The following DENND2B variants were observed in gnomAD, a reference collection of about 807,000 sequenced individuals.
The protein encoded by DENND2B is DENN domain containing 2B.
A neutral mutation model predicts 116.0 loss-of-function variants in DENND2B; 32 were observed. The ratio of observed to expected loss-of-function variants is 0.28; its 90% CI spans 0.21 to 0.37. The LOEUF is 0.37. Ranked by LOEUF, DENND2B falls within the 10% of genes least tolerant of loss-of-function variation. The pLI is 1.00. For synonymous variants in DENND2B, 588 were observed against 583.9 expected (o/e 1.01, Z -0.10); for missense variants, 1,276 against 1,477.7 (o/e 0.86, Z 2.24).
intron 2 of DENND2B, among the ~76,000 whole-genome samples, chr11:8,865,895 T>A (rs2063557665): frequency 6.6e-6 from 1 of 151,180 alleles, no homozygotes; most frequent in Non-Finnish European, 1.5e-5. Context: ...CCAAATGCCA[T>A]CCCCACTAAA....
upstream of DENND2B, among the ~76,000 whole-genome samples, chr11:8,873,609 G>A (rs181938987): frequency 2.6e-5 from 4 of 152,282 alleles, no homozygotes; most frequent in South Asian, 2.1e-4. Flanking sequence ...AGTAATTTGC[G>A]TTAACGTAAT....
At position 8,695,536 on chromosome 11, in the gene DENND2B, C is replaced by G; in HGVS notation, c.3306G>C (p.Gln1102His). 1 of 1,613,872 alleles carries G rather than the reference C, an allele frequency of 6.2e-7. No homozygotes were observed. The highest frequency in any genetic ancestry group is 2.2e-5 in the East Asian group (1 of 44,886). The change falls in exon 19 of 20, where the codon CAG becomes CAC. Residue 1102 changes from glutamine to histidine, a missense_variant. Gln to His is a conservative substitution (Grantham distance 24). This residue lies in a region of DENND2B where 420 missense variants were observed against 631.1 expected (regional missense o/e 0.67). Transcript: ENST00000313726. The stretch of plus-strand genomic sequence containing the variant: ...GTTCTTCTAAGTACTGCTCCACTCG[C>G]TGCTCAAAAAGGCCTGGGTAAAAGA... ...RKCRAKGLFE[Q>H]RVEQYLEELP...
At chr11:8,778,876 G>A (rs1293863129) in intron 1 of DENND2B, among the ~76,000 whole-genome samples, 5 of 152,230 alleles carry the variant, frequency 3.3e-5, no homozygotes, top group African/African-American at 1.2e-4. Flanking sequence ...TTCCTCCCCA[G>A]ACTCAAGACT....
chr11:8,854,782 G>A (rs895513590), intron 3 of DENND2B, among the ~76,000 whole-genome samples: 22 of 151,866 alleles, frequency 1.4e-4, no homozygotes, highest in South Asian at 6.3e-4. Flanking sequence ...GCATGATCTC[G>A]ACTCACTGCA....
intron 11 of DENND2B, among the ~76,000 whole-genome samples, chr11:8,708,978 C>G (rs913087954): frequency 1.7e-4 from 25 of 149,636 alleles, no homozygotes; most frequent in Non-Finnish European, 3.4e-4. Flanking sequence ...AGGTGGGTAG[C>G]TAAAGGGGAG....
chr11:8,727,987 A>G (rs1328726020), intron 3 of DENND2B, among the ~76,000 whole-genome samples: 1 of 139,940 alleles, frequency 7.1e-6, no homozygotes, highest in African/African-American at 2.6e-5. Flanking sequence ...ACACACACAC[A>G]CACACACACA....
At chr11:8,815,383 C>T (rs1426529086), upstream of DENND2B, among the ~76,000 whole-genome samples, 2 of 151,966 alleles carry the variant, frequency 1.3e-5, no homozygotes, top group African/African-American at 2.4e-5. Flanking sequence ...CTACATCCAA[C>T]GTTCCCTCTT....
chr11:8,796,302 G>T (rs1302581229), intron 1 of DENND2B, among the ~76,000 whole-genome samples: 1 of 152,230 alleles, frequency 6.6e-6, no homozygotes, highest in East Asian at 1.9e-4. Flanking sequence ...AGCACTTTGG[G>T]AGGCCAAGGT....
rs1344090885 is a variant in DENND2B, at chr11:8,715,822, G to GC, written c.1630-5dup. On this transcript the variant is annotated splice_region_variant and splice_polypyrimidine_tract_variant and intron_variant, in intron 5 of 19. Transcript: ENST00000313726. ...GGCTGTTGGGTTTCAGGGAAAGCTG[G>GC]CGTGGGGGAGAGGACGTGCGAGAGG... 5.6e-6 allele frequency: 9 copies of GC among 1,593,970 alleles called. No homozygotes were observed. The African/African-American group carries it at 1.2e-4, about 21-fold the overall frequency.
At chr11:8,906,685 C>G (rs1350251914) in intron 1 of DENND2B, among the ~76,000 whole-genome samples, 1 of 152,066 alleles carries the variant, frequency 6.6e-6, no homozygotes, top group Non-Finnish European at 1.5e-5. Context: ...AGTTAATTCT[C>G]AGAAGTTTGA....
At chr11:8,853,771 G>C (rs1440488259) in intron 3 of DENND2B, among the ~76,000 whole-genome samples, 1 of 152,040 alleles carries the variant, frequency 6.6e-6, no homozygotes, top group Non-Finnish European at 1.5e-5. Flanking sequence ...AGAAAGGAGA[G>C]GACTAAGATT....
rs1193916722 is a variant in DENND2B at position 8,750,602 on chromosome 11, C to T, written c.80+19G>A. The T allele has an allele frequency of 1.2e-6, 2 of 1,610,780 alleles. No individual in the cohort carries two copies. The highest frequency in any genetic ancestry group is 1.7e-6 in the Non-Finnish European group (2 of 1,177,124). On this transcript the variant is annotated intron_variant, in intron 2 of 19. Coordinates refer to ENST00000313726, the MANE Select transcript of DENND2B (RefSeq NM_213618.2). ...CTAGGTCCCTTGATGCCACCTCCCA[C>T]AAGTGCTCCCTTACCCACCTGCTCA...
rs2133654429 is a variant in DENND2B, at chr11:8,695,554, G to A, written c.3293-5C>T. Reference sequence around the variant, plus strand: ...CCACTCGCTGCTCAAAAAGGCCTGGGTAAAAGAAACAGGCACAGGGAAGAG... The same window carrying A: ...CCACTCGCTGCTCAAAAAGGCCTGGATAAAAGAAACAGGCACAGGGAAGAG... On this transcript the variant is annotated splice_region_variant and splice_polypyrimidine_tract_variant and intron_variant, in intron 18 of 19. Transcript: ENST00000313726. 1 of 1,613,532 alleles carries A rather than the reference G, an allele frequency of 6.2e-7. No homozygotes were observed. The highest frequency in any genetic ancestry group is 2.2e-5 in the East Asian group (1 of 44,878).
rs989663579 is a variant in DENND2B at position 8,799,563 on chromosome 11, T to C, written c.-26+10954A>G. On this transcript the variant is annotated intron_variant, in intron 1 of 19. Coordinates refer to ENST00000313726, the MANE Select transcript of DENND2B (RefSeq NM_213618.2). ...TCATGTACCATCCTCCTTTTTCTCT[T>C]TTTTTTTTTTTTTTTTTTTTAAGAG... Among the ~76,000 whole-genome samples the C allele has an allele frequency of 4.1e-3, 99 of 24,014 alleles. 2 individuals carry two copies. Among genetic ancestry groups the C allele is most frequent in the Admixed American group, 0.012 (25 of 2,140 alleles). The allele number at this position is 24,014 out of a possible 152,430, so 15.8% of individuals were successfully genotyped here.
intron 2 of DENND2B, among the ~76,000 whole-genome samples, chr11:8,746,301 G>A (rs575722878): frequency 6.6e-6 from 1 of 152,318 alleles, no homozygotes; most frequent in Admixed American, 6.5e-5. Flanking sequence ...ATCACAAACT[G>A]AGGCCACCCT....
chr11:8,714,128 GGGAT>G, intron 7 of DENND2B, 86 bp from the exon 8 acceptor site: 1 of 1,351,262 alleles, frequency 7.4e-7, no homozygotes, highest in Non-Finnish European at 1.1e-6. Context: ...TTTCTCACAG[GGGAT>G]GGATCTCTAC....
chr11:8,896,986 C>T (rs566979359), intron 1 of DENND2B, among the ~76,000 whole-genome samples: 1 of 152,144 alleles, frequency 6.6e-6, no homozygotes, highest in African/African-American at 2.4e-5. Flanking sequence ...GCCTTGTAAT[C>T]CCAGCACTTT....
rs974401200 is a variant in DENND2B at position 8,702,170 on chromosome 11, A to AT, written c.2720+401_2720+402insA. Among the ~76,000 whole-genome samples the AT allele has an allele frequency of 3.7e-4, 56 of 152,158 alleles. No homozygotes were observed. Among genetic ancestry groups the AT allele is most frequent in the African/African-American group, 1.3e-3 (55 of 41,488 alleles). On this transcript the variant is annotated intron_variant, in intron 14 of 19. Coordinates refer to ENST00000313726, the MANE Select transcript of DENND2B (RefSeq NM_213618.2). The surrounding 1 kb of genome is among the most constrained non-coding windows in gnomAD (Gnocchi z 4.6). Reference sequence around the variant, plus strand: ...GTCAGTGCTCTTGCCCCTTCCTCACAGCAGCTCTTTCCTCAAACTCAGCAT... The same window carrying AT: ...GTCAGTGCTCTTGCCCCTTCCTCACATGCAGCTCTTTCCTCAAACTCAGCAT...
chr11:8,825,095 G>A (rs899685176), intron 4 of DENND2B, among the ~76,000 whole-genome samples: 7 of 152,182 alleles, frequency 4.6e-5, no homozygotes, highest in Admixed American at 3.9e-4. Context: ...TTGAGGTATC[G>A]CAACACTGTC....
Sources: allele counts gnomAD v4.1 joint callset (sites outside exome capture counted in the v4.1 genomes callset), GRCh38; gene constraint gnomAD v4.1.1; regional missense constraint gnomAD v4.1.1; non-coding constraint Gnocchi (gnomAD v3.1); transcripts MANE v1.5; gene names NCBI Gene and HGNC (gene_info 2026-07-23, HGNC 2026-07-21).